Variants in ENOX1 observed in about 807,000 individuals in gnomAD.
ENOX1 encodes the protein candidate growth-related and time keeping constitutive hydroquinone (NADH) oxidase.
A neutral mutation model predicts 82.5 loss-of-function variants in ENOX1; 42 were observed. That is an observed-to-expected ratio of 0.51 (90% CI 0.40 to 0.66). ENOX1 has a LOEUF of 0.66. Ranked by LOEUF, ENOX1 falls within the 30% of genes least tolerant of loss-of-function variation. ENOX1 has a pLI of 0.00. For missense variants in ENOX1, 608 were observed against 811.6 expected, an observed-to-expected ratio of 0.75 and a Z score of 3.05; for synonymous variants, 271 against 282.2, an observed-to-expected ratio of 0.96 and a Z score of 0.40.
chr13:43,362,797 C>T (rs1295958243), intron 5 of ENOX1, among the ~76,000 whole-genome samples: 2 of 152,226 alleles, frequency 1.3e-5, no homozygotes, highest in African/African-American at 4.8e-5. Context: ...CACTCCTCCT[C>T]TGGGCTGAAC....
In ENOX1 at chr13:43,219,294, G is replaced by A. The variant is rs147049197; in HGVS notation, c.1800+4759C>T. ...CCAAGCATATTATGAGGAGATGATT[G>A]CAATACACGTGGTTAAGGGAGCACT... On this transcript the variant is annotated intron_variant, in intron 16 of 16. Transcript: ENST00000690772. Among the ~76,000 whole-genome samples, 434 of 152,290 alleles carry A rather than the reference G, an allele frequency of 2.8e-3. 5 individuals carry two copies. The highest frequency in any genetic ancestry group is 9.9e-3 in the African/African-American group (410 of 41,564).
At chr13:43,302,591 T>C (rs1166273029) in intron 11 of ENOX1, among the ~76,000 whole-genome samples, 4 of 152,178 alleles carry the variant, frequency 2.6e-5, no homozygotes, top group Non-Finnish European at 5.9e-5. Context: ...GTGACACTAA[T>C]GTATGAAAAT....
chr13:43,729,428 C>A (rs536655343), intron 1 of ENOX1, among the ~76,000 whole-genome samples: 1 of 147,576 alleles, frequency 6.8e-6, no homozygotes, highest in South Asian at 2.1e-4. Flanking sequence ...ACAGGAAACA[C>A]TTAATTCATA....
chr13:43,641,557 A>G (rs1213165540), intron 2 of ENOX1, among the ~76,000 whole-genome samples: 2 of 10,912 alleles, frequency 1.8e-4, no homozygotes, highest in Non-Finnish European at 3.4e-4. Context: ...TTTTTTTGAG[A>G]CAGAGTCTCA....
At chr13:43,715,588 T>C (rs1203795268) in intron 1 of ENOX1, among the ~76,000 whole-genome samples, 1 of 152,218 alleles carries the variant, frequency 6.6e-6, no homozygotes, top group Non-Finnish European at 1.5e-5. Context: ...ATTCTCCCCG[T>C]CACTTTCAGG....
intron 1 of ENOX1, among the ~76,000 whole-genome samples, chr13:43,765,169 G>C (rs1225775521): frequency 1.3e-5 from 2 of 152,160 alleles, no homozygotes; most frequent in African/African-American, 4.8e-5. Context: ...GGCATATATA[G>C]AGGGTGCTAA....
chr13:43,255,503 AGATGACAT>A (rs1490294597), intron 14 of ENOX1, among the ~76,000 whole-genome samples: 2 of 152,162 alleles, frequency 1.3e-5, no homozygotes, highest in African/African-American at 4.8e-5. Context: ...CCTTGTTCAC[AGATGACAT>A]GATCTTATAT....
At chr13:43,477,580 A>G (rs1260648957) in intron 3 of ENOX1, among the ~76,000 whole-genome samples, 1 of 152,180 alleles carries the variant, frequency 6.6e-6, no homozygotes, top group Non-Finnish European at 1.5e-5. Flanking sequence ...TGCAATGAGA[A>G]GTCAGTGGCA....
At chr13:43,572,332 A>G (rs189372792) in intron 2 of ENOX1, among the ~76,000 whole-genome samples, 2 of 152,330 alleles carry the variant, frequency 1.3e-5, no homozygotes, top group Non-Finnish European at 1.5e-5. Flanking sequence ...TCAAATAACA[A>G]AACAGAGACC....
At chr13:43,679,320 C>A (rs1594377583) in intron 1 of ENOX1, among the ~76,000 whole-genome samples, 1 of 152,130 alleles carries the variant, frequency 6.6e-6, no homozygotes, top group Non-Finnish European at 1.5e-5. Context: ...GGGGAATGAA[C>A]AAGATCAAGT....
At chr13:43,630,691 A>G (rs575632160) in intron 2 of ENOX1, among the ~76,000 whole-genome samples, 100 of 152,070 alleles carry the variant, frequency 6.6e-4, no homozygotes, top group Non-Finnish European at 1.3e-3. Context: ...TTCTGATAAA[A>G]TATTTACTTA....
intron 1 of ENOX1, among the ~76,000 whole-genome samples, chr13:43,687,466 A>T: frequency 6.6e-6 from 1 of 152,096 alleles, no homozygotes; most frequent in East Asian, 1.9e-4. Context: ...CTGCTTTTGT[A>T]TTCTACAGAG....
Position 43,722,833 on chromosome 13 carries a change from T to C in ENOX1, c.-284-55289A>G, listed in dbSNP as rs368585602. On this transcript the variant is annotated intron_variant, in intron 1 of 16. Transcript: ENST00000690772. ...TTTATCTGGCTGCTAAAAGAAATAATAATGATTACAAATCCCAGGTCTATT... is the reference window on the plus strand; with the variant it reads ...TTTATCTGGCTGCTAAAAGAAATAACAATGATTACAAATCCCAGGTCTATT... 7.9e-4 allele frequency among the ~76,000 whole-genome samples: 121 copies of C among 152,264 alleles called. 3 individuals are homozygous for C. The highest frequency in any genetic ancestry group is 2.8e-3 in the African/African-American group (118 of 41,570).
intron 1 of ENOX1, among the ~76,000 whole-genome samples, chr13:43,698,874 GA>G: frequency 6.6e-6 from 1 of 151,992 alleles, no homozygotes; most frequent in East Asian, 1.9e-4. Flanking sequence ...ACCTTTTGCG[GA>G]AAAAAAGGCA....
intron 1 of ENOX1, among the ~76,000 whole-genome samples, chr13:43,705,833 T>C (rs891985415): frequency 2.3e-4 from 35 of 152,134 alleles, no homozygotes; most frequent in African/African-American, 8.4e-4. Flanking sequence ...ATATTTTGAA[T>C]AGTAAACTCA....
chr13:43,311,099 G>A (rs1041056), intron 11 of ENOX1, among the ~76,000 whole-genome samples: 144,886 of 151,968 alleles, frequency 0.95, 69,485 homozygotes, highest in East Asian at 1. Context: ...TACTGGGTGT[G>A]TCTGAGGCAC....
At chr13:43,774,332 C>A (rs1294559861) in intron 1 of ENOX1, among the ~76,000 whole-genome samples, 7 of 152,146 alleles carry the variant, frequency 4.6e-5, no homozygotes, top group Non-Finnish European at 1.0e-4. Context: ...GTATAGAGTA[C>A]TACCAGAAAA....
At chr13:43,372,707 G>T (rs1407773) in intron 5 of ENOX1, among the ~76,000 whole-genome samples, 85,799 of 152,058 alleles carry the variant, frequency 0.56, 27,046 homozygotes, top group Non-Finnish European at 0.73. Flanking sequence ...TAAACCATAT[G>T]AAATAAACTC....
intron 16 of ENOX1, among the ~76,000 whole-genome samples, chr13:43,218,407 A>C (rs2041602317): frequency 6.6e-6 from 1 of 152,180 alleles, no homozygotes; most frequent in African/African-American, 2.4e-5. Context: ...TGAGAGGATC[A>C]CTTGAGCCCA....
Sources: gnomAD v4.1 joint callset for allele counts (sites outside exome capture counted in the v4.1 genomes callset) on GRCh38, gnomAD v4.1.1 for gene constraint, MANE v1.5 for transcripts, NCBI Gene and HGNC (gene_info 2026-07-23, HGNC 2026-07-21) for gene names.